The following TENM3 variants were observed in gnomAD, a reference collection of about 807,000 sequenced individuals.
The protein encoded by TENM3 is teneurin-3.
In TENM3, 63 loss-of-function variants were observed where a neutral mutation model predicts 255.1. That is an observed-to-expected ratio of 0.25 (90% CI 0.20 to 0.30). The LOEUF is 0.30. Among genes scored for constraint, TENM3 ranks in the 10% least tolerant of loss-of-function variants. TENM3 has a pLI of 1.00. For synonymous variants in TENM3, 1,306 were observed against 1,322.3 expected, an observed-to-expected ratio of 0.99 and a Z score of 0.27; for missense variants, 2,929 against 3,461.1, an observed-to-expected ratio of 0.85 and a Z score of 3.86.
chr4:182,796,234 CTAA>C (rs752788714), intron 26 of TENM3, among the ~76,000 whole-genome samples: 2 of 152,354 alleles, frequency 1.3e-5, no homozygotes, highest in Non-Finnish European at 2.9e-5. Context: ...CTTTGGAGAG[CTAA>C]TAACACACAA....
At chr4:181,572,916 C>A in the TENM3 span, among the ~76,000 whole-genome samples, 2 of 152,132 alleles carry the variant, frequency 1.3e-5, no homozygotes, top group African/African-American at 4.8e-5. Flanking sequence ...CCCCTGGTAA[C>A]CATCCTTCTA....
chr4:181,856,296 T>C, the TENM3 span, among the ~76,000 whole-genome samples: 1 of 152,110 alleles, frequency 6.6e-6, no homozygotes, highest in Non-Finnish European at 1.5e-5. Context: ...GACAAATCTT[T>C]TCTGAGCACC....
chr4:181,875,610 C>T, the TENM3 span, among the ~76,000 whole-genome samples: 1 of 152,148 alleles, frequency 6.6e-6, no homozygotes, highest in Non-Finnish European at 1.5e-5. Flanking sequence ...ATTTCTCCCT[C>T]TCAATGAGTC....
the TENM3 span, among the ~76,000 whole-genome samples, chr4:181,507,221 G>C: frequency 6.6e-6 from 1 of 152,146 alleles, no homozygotes; most frequent in East Asian, 1.9e-4. Flanking sequence ...TCCCACAGAA[G>C]TATTTATTTT....
At chr4:181,753,533 A>G in the TENM3 span, among the ~76,000 whole-genome samples, 1 of 151,420 alleles carries the variant, frequency 6.6e-6, no homozygotes, top group Non-Finnish European at 1.5e-5. Flanking sequence ...CAAAAATGAA[A>G]AAAAAAAAAG....
At chr4:182,770,433 C>T (rs922492712) in intron 22 of TENM3, among the ~76,000 whole-genome samples, 1 of 152,152 alleles carries the variant, frequency 6.6e-6, no homozygotes, top group East Asian at 1.9e-4. Flanking sequence ...CAGCCGGGCC[C>T]CTGCACCCCG....
At chr4:181,473,244 A>G in the TENM3 span, among the ~76,000 whole-genome samples, 1 of 152,108 alleles carries the variant, frequency 6.6e-6, no homozygotes, top group Non-Finnish European at 1.5e-5. Flanking sequence ...CAGCTTCCTT[A>G]TTTGGTTGTT....
the TENM3 span, among the ~76,000 whole-genome samples, chr4:181,454,290 G>A: frequency 6.6e-6 from 1 of 152,184 alleles, no homozygotes; most frequent in East Asian, 1.9e-4. Flanking sequence ...TCTTAAACTG[G>A]TTTAATATAC....
chr4:182,151,305 T>C (rs1365202529), intron 1 of TENM3, among the ~76,000 whole-genome samples: 1 of 152,150 alleles, frequency 6.6e-6, no homozygotes, highest in Non-Finnish European at 1.5e-5. Flanking sequence ...TGTGCAAATA[T>C]ATGAATATGA....
chr4:181,736,225 G>C, the TENM3 span, among the ~76,000 whole-genome samples: 1 of 152,160 alleles, frequency 6.6e-6, no homozygotes, highest in Non-Finnish European at 1.5e-5. Flanking sequence ...TTGTACCTGG[G>C]AAGCAGAGAT....
chr4:182,025,020 A>ATTTTTTTTTT, the TENM3 span, among the ~76,000 whole-genome samples: 46 of 121,112 alleles, frequency 3.8e-4, 3 homozygotes, highest in African/African-American at 1.5e-3. Context: ...ACAGGATTTC[A>ATTTTTTTTTT]TTTTTTTTTT....
chr4:182,507,933 G>C (rs1207773824), intron 3 of TENM3, among the ~76,000 whole-genome samples: 1 of 151,990 alleles, frequency 6.6e-6, no homozygotes, highest in Non-Finnish European at 1.5e-5. Context: ...ATTCTAGTTT[G>C]GTCATAGAGA....
chr4:182,607,553 A>G (rs1437486464), intron 4 of TENM3, among the ~76,000 whole-genome samples: 2 of 152,326 alleles, frequency 1.3e-5, no homozygotes, highest in East Asian at 1.9e-4. Context: ...TCATAGATGC[A>G]TTGTCTTCAC....
chr4:181,461,797 G>C, the TENM3 span, among the ~76,000 whole-genome samples: 1 of 152,044 alleles, frequency 6.6e-6, no homozygotes, highest in East Asian at 1.9e-4. Flanking sequence ...ATTTATAATA[G>C]CTGTTTTAAT....
intron 4 of TENM3, among the ~76,000 whole-genome samples, chr4:182,624,030 G>A (rs1396869370): frequency 6.7e-6 from 1 of 149,948 alleles, no homozygotes; most frequent in Non-Finnish European, 1.5e-5. Flanking sequence ...TGTCTGAGAT[G>A]TAAGGCACAG....
chr4:182,052,548 G>A, the TENM3 span, among the ~76,000 whole-genome samples: 12 of 152,202 alleles, frequency 7.9e-5, no homozygotes, highest in East Asian at 1.9e-4. Flanking sequence ...CTTTTCCCTC[G>A]TTTTCATAGC....
At chr4:182,156,520 G>C (rs1750717992) in intron 1 of TENM3, among the ~76,000 whole-genome samples, 1 of 151,842 alleles carries the variant, frequency 6.6e-6, no homozygotes, top group Non-Finnish European at 1.5e-5. Flanking sequence ...CGCCCTAGTA[G>C]TCCTCAGTGT....
At chr4:181,984,474 T>C in the TENM3 span, among the ~76,000 whole-genome samples, 1 of 152,080 alleles carries the variant, frequency 6.6e-6, no homozygotes, top group Non-Finnish European at 1.5e-5. Context: ...CCTTTTTTCC[T>C]CTCTAGAATT....
At chr4:182,129,881 A>G in the TENM3 span, among the ~76,000 whole-genome samples, 152,053 of 152,250 alleles carry the variant, frequency 1, 75,928 homozygotes, top group East Asian at 1. Context: ...AAGAGATCTA[A>G]ATACACAGAC....
Sources: gnomAD v4.1 joint callset for allele counts (sites outside exome capture counted in the v4.1 genomes callset) on GRCh38, gnomAD v4.1.1 for gene constraint, MANE v1.5 for transcripts, NCBI Gene and HGNC (gene_info 2026-07-23, HGNC 2026-07-21) for gene names.